The following ZNF804A variants were observed in gnomAD, a reference collection of about 807,000 sequenced individuals.
The protein encoded by ZNF804A is zinc finger protein 804A.
ZNF804A carries 2 observed loss-of-function variants against 16.5 expected under a neutral mutation model. That is an observed-to-expected ratio of 0.12 (90% CI 0.05 to 0.38). ZNF804A has a LOEUF of 0.38. Ranked by LOEUF, ZNF804A falls within the 10% of genes least tolerant of loss-of-function variation. ZNF804A has a pLI of 0.99. For synonymous variants in ZNF804A, 534 were observed against 489.6 expected (o/e 1.09, Z -1.20); for missense variants, 1,473 against 1,390.7 (o/e 1.06, Z -0.94).
intron 2 of ZNF804A, among the ~76,000 whole-genome samples, chr2:184,886,820 C>T (rs1358483315): frequency 6.6e-6 from 1 of 152,236 alleles, no homozygotes; most frequent in Non-Finnish European, 1.5e-5. Flanking sequence ...GGCCTGGGGC[C>T]TGGCCCACAA....
intron 2 of ZNF804A, among the ~76,000 whole-genome samples, chr2:184,868,856 A>G (rs1695926263): frequency 1.3e-5 from 2 of 152,052 alleles, no homozygotes; most frequent in African/African-American, 4.8e-5. Context: ...ATGCTTGTTA[A>G]TACCTGCAAC....
At chr2:184,844,626 A>G (rs1217863624) in intron 1 of ZNF804A, among the ~76,000 whole-genome samples, 1 of 151,392 alleles carries the variant, frequency 6.6e-6, no homozygotes, top group Non-Finnish European at 1.5e-5. Context: ...TTTAAAACAT[A>G]TAAATTCAAG....
chr2:184,704,462 T>C (rs1297336480), intron 1 of ZNF804A, among the ~76,000 whole-genome samples: 1 of 152,144 alleles, frequency 6.6e-6, no homozygotes, highest in Non-Finnish European at 1.5e-5. Flanking sequence ...ATAGGTAGAA[T>C]TTCCAACAGA....
At chr2:184,870,042 T>C (rs191292285) in intron 2 of ZNF804A, among the ~76,000 whole-genome samples, 10 of 152,134 alleles carry the variant, frequency 6.6e-5, no homozygotes, top group African/African-American at 2.4e-4. Flanking sequence ...GATGTTCGAT[T>C]GTAACAATTT....
intron 2 of ZNF804A, among the ~76,000 whole-genome samples, chr2:184,909,601 A>T (rs538137849): frequency 6.6e-6 from 1 of 152,042 alleles, no homozygotes; most frequent in African/African-American, 2.4e-5. Flanking sequence ...TTTAAACAAT[A>T]ATGCCACTTT....
intron 2 of ZNF804A, among the ~76,000 whole-genome samples, chr2:184,867,720 T>A (rs1695896323): frequency 6.6e-6 from 1 of 152,122 alleles, no homozygotes; most frequent in South Asian, 2.1e-4. Flanking sequence ...CATTGCTTGA[T>A]TTGAACATTA....
At chr2:184,879,468 A>G (rs959586288) in intron 2 of ZNF804A, among the ~76,000 whole-genome samples, 9 of 152,002 alleles carry the variant, frequency 5.9e-5, no homozygotes, top group African/African-American at 2.2e-4. Flanking sequence ...AAAGCATACC[A>G]ACCGTGCACC....
chr2:184,831,740 A>C (rs13400759), intron 1 of ZNF804A, among the ~76,000 whole-genome samples: 1,945 of 152,000 alleles, frequency 0.013, 42 homozygotes, highest in African/African-American at 0.045. Context: ...CTCACTTAAA[A>C]AAAAAAAGCA....
intron 1 of ZNF804A, among the ~76,000 whole-genome samples, chr2:184,739,548 A>G (rs533423840): frequency 6.6e-6 from 1 of 152,136 alleles, no homozygotes; most frequent in South Asian, 2.1e-4. Context: ...TGCTCACCAC[A>G]AAGCCTGGCT....
intron 1 of ZNF804A, among the ~76,000 whole-genome samples, chr2:184,616,839 G>A (rs1404882595): frequency 1.3e-5 from 2 of 152,100 alleles, no homozygotes; most frequent in African/African-American, 4.8e-5. Context: ...ATATCTGTGG[G>A]ATGGTGCAGG....
At chr2:184,637,746 A>G (rs1178258822) in intron 1 of ZNF804A, among the ~76,000 whole-genome samples, 2 of 152,154 alleles carry the variant, frequency 1.3e-5, no homozygotes, top group Non-Finnish European at 2.9e-5. Flanking sequence ...ATTTTGAACT[A>G]GCTATTTAAA....
intron 2 of ZNF804A, among the ~76,000 whole-genome samples, chr2:184,928,299 G>C (rs1685640973): frequency 6.6e-6 from 1 of 152,144 alleles, no homozygotes; most frequent in Non-Finnish European, 1.5e-5. Flanking sequence ...TGGAAAGAGG[G>C]TTTCACAATT....
Position 184,854,479 on chromosome 2 carries a change from AT to A in ZNF804A, c.112-11885del, listed in dbSNP as rs139165779. Reference sequence around the variant, plus strand: ...AAGTTCGATGTGCATTACCCACTGTATTTTTGCTTATTCACTACCCTGTGGT... The same window carrying A: ...AAGTTCGATGTGCATTACCCACTGTATTTTGCTTATTCACTACCCTGTGGT... On this transcript the variant is annotated intron_variant, in intron 1 of 3. Transcript: ENST00000302277. 2.0e-4 allele frequency among the ~76,000 whole-genome samples: 31 copies of A among 152,102 alleles called. No individual in the cohort carries two copies. The East Asian group carries it at 5.4e-3, about 27-fold the overall frequency.
chr2:184,752,684 G>A (rs79603724), intron 1 of ZNF804A, among the ~76,000 whole-genome samples: 11,441 of 151,568 alleles, frequency 0.075, 1,466 homozygotes, highest in African/African-American at 0.26. Flanking sequence ...TTGCAAATCA[G>A]AGCTGATAAT....
At chr2:184,774,661 T>C (rs1482382603) in intron 1 of ZNF804A, among the ~76,000 whole-genome samples, 1 of 151,822 alleles carries the variant, frequency 6.6e-6, no homozygotes, top group Non-Finnish European at 1.5e-5. Context: ...ATGAAGCTTT[T>C]TGAAGAAAAA....
chr2:184,809,589 T>A (rs972229326), intron 1 of ZNF804A, among the ~76,000 whole-genome samples: 3 of 151,894 alleles, frequency 2.0e-5, no homozygotes, highest in African/African-American at 4.8e-5. Flanking sequence ...TATGTCAATA[T>A]TTTACTTATA....
At chr2:184,737,057 G>GTT (rs1693628799) in intron 1 of ZNF804A, among the ~76,000 whole-genome samples, 1 of 147,414 alleles carries the variant, frequency 6.8e-6, no homozygotes, top group African/African-American at 2.6e-5. Context: ...TTTTTTGTTT[G>GTT]TTTTTTGTTT....
At chr2:184,812,536 G>A (rs143598180) in intron 1 of ZNF804A, among the ~76,000 whole-genome samples, 1,561 of 152,202 alleles carry the variant, frequency 0.01, 18 homozygotes, top group Non-Finnish European at 0.017. Flanking sequence ...AAGCGAGAAG[G>A]AGTAAGGATC....
chr2:184,632,703 A>G (rs933801060), intron 1 of ZNF804A, among the ~76,000 whole-genome samples: 1 of 152,228 alleles, frequency 6.6e-6, no homozygotes, highest in African/African-American at 2.4e-5. Context: ...TGTCAGGCTC[A>G]TATTCAAATG....
Sources: gnomAD v4.1 joint callset for allele counts (sites outside exome capture counted in the v4.1 genomes callset) on GRCh38, gnomAD v4.1.1 for gene constraint, MANE v1.5 for transcripts, NCBI Gene and HGNC (gene_info 2026-07-23, HGNC 2026-07-21) for gene names.